PIK3R2: variants seen among roughly 807,000 people sequenced by gnomAD.
The protein encoded by PIK3R2 is phosphatidylinositol 3-kinase regulatory subunit beta.
A neutral mutation model predicts 78.5 loss-of-function variants in PIK3R2; 40 were observed. The ratio of observed to expected loss-of-function variants is 0.51; its 90% confidence interval spans 0.40 to 0.66. PIK3R2 has a LOEUF of 0.66. Among genes scored for constraint, PIK3R2 ranks in the 30% least tolerant of loss-of-function variants. The pLI, the probability that PIK3R2 is intolerant of heterozygous loss-of-function variation, is 0.00. For synonymous variants in PIK3R2, 473 were observed against 457.7 expected, an observed-to-expected ratio of 1.03 and a Z score of -0.43; for missense variants, 880 against 1,026.6, an observed-to-expected ratio of 0.86 and a Z score of 1.95.
intron 9 of PIK3R2, chr19:18,162,720 C>T (rs2043762956): frequency 1.7e-6 from 1 of 597,488 alleles, no homozygotes; most frequent in East Asian, 2.8e-5. Context: ...CCCGTCTCTA[C>T]TAAAAAATTA....
rs140686003 is a variant in PIK3R2 at position 18,161,993 on chromosome 19, G to A, written c.843G>A (p.Ala281=). ...DGSEPSPDFP[A]LLVEKLLQEH... is the part of the protein sequence containing the mutation. ...GTGAGCCCAGCCCTGACTTCCCGGCGCTGCTGGTGGAGAAGCTGCTTCAGG... is the reference window on the plus strand; with the variant it reads ...GTGAGCCCAGCCCTGACTTCCCGGCACTGCTGGTGGAGAAGCTGCTTCAGG... The change falls in exon 7 of 16, where the codon GCG becomes GCA. Residue 281 remains alanine (A), a synonymous_variant. Transcript: ENST00000222254. This position sits in a 1 kb window ranked among gnomAD's most constrained non-coding sequence, Gnocchi z 5.3. 202 of 1,613,968 alleles carry A rather than the reference G, an allele frequency of 1.3e-4. No homozygotes were observed. The African/African-American group carries it at 1.8e-3, about 15-fold the overall frequency.
At position 18,168,580 on chromosome 19, in the gene PIK3R2, T is replaced by C. The variant is rs2043832199; in HGVS notation, c.1808+34T>C. On this transcript the variant is annotated intron_variant, in intron 14 of 15. Coordinates refer to ENST00000222254, the MANE Select transcript of PIK3R2 (RefSeq NM_005027.4). The surrounding 1 kb of genome is among the most constrained non-coding windows in gnomAD (Gnocchi z 4.1). ...CCGTCTGGAGGGAGGCAGGGAGGGC[T>C]TCCCAGAGGAGGGGGCCATTTGGGG... 1.3e-6 allele frequency: 1 copy of C among 791,678 alleles called. No homozygotes were observed. Among genetic ancestry groups the C allele is most frequent in the African/African-American group, 1.7e-5 (1 of 59,344 alleles). 49.0% of individuals were successfully genotyped at this position (791,678 alleles called of 1,614,324 possible).
Position 18,168,830 on chromosome 19 carries a change from G to C in PIK3R2, c.1913G>C (p.Gly638Ala). ...ACGCAGGCAGAGGAGATGCTGAGTG[G>C]CAAGCGGGATGGCACCTTCCTCATC... Reference protein sequence around the residue: ...NRTQAEEMLSGKRDGTFLIRE... With the variant: ...NRTQAEEMLSAKRDGTFLIRE... Residue 638 changes from glycine (G) to alanine (A), a missense_variant, in exon 15 of 16, where the codon GGC becomes GCC. Physicochemically the swap from Gly to Ala is moderately conservative, Grantham distance 60. This residue lies in a region of PIK3R2 where 268 missense variants were observed against 299.1 expected (regional missense o/e 0.90). Coordinates refer to ENST00000222254, the MANE Select transcript of PIK3R2 (RefSeq NM_005027.4). The surrounding 1 kb of genome is among the most constrained non-coding windows in gnomAD (Gnocchi z 4.1). 6.2e-7 allele frequency: 1 copy of C among 1,613,746 alleles called. No individual in the cohort carries two copies. Among genetic ancestry groups the C allele is most frequent in the South Asian group, 1.1e-5 (1 of 91,056 alleles).
chr19:18,160,807 C>T, intron 3 of PIK3R2, 112 bp from the exon 4 acceptor site: 2 of 1,349,134 alleles, frequency 1.5e-6, no homozygotes, highest in Non-Finnish European at 2.1e-6. Context: ...CCTCCCATGC[C>T]CTTATCTCTG....
rs2147945157 is a variant in PIK3R2 at position 18,156,078 on chromosome 19, C to T, written c.199C>T (p.Arg67Ter). ...MPGLNERTRQ[R>*]GDFPGTYVEF... ...CGGCCTCAACGAGCGCACACGGCAG[C>T]GAGGTGACTTCCCTGGCACCTATGT... The change falls in exon 2 of 16, where the codon CGA becomes TGA. Residue 67 changes from arginine (R) to a stop codon, truncating the protein, a stop_gained. Transcript: ENST00000222254. LOFTEE classifies it high-confidence loss of function. The surrounding 1 kb of genome is among the most constrained non-coding windows in gnomAD (Gnocchi z 4.2). 6.4e-7 allele frequency: 1 copy of T among 1,561,448 alleles called. No individual in the cohort carries two copies. The highest frequency in any genetic ancestry group is 1.9e-5 in the Admixed American group (1 of 52,738).
intron 2 of PIK3R2, among the ~76,000 whole-genome samples, chr19:18,157,864 C>CCGAGG (rs965487872): frequency 6.6e-6 from 1 of 152,136 alleles, no homozygotes; most frequent in Non-Finnish European, 1.5e-5. Flanking sequence ...GGCGTCCCCG[C>CCGAGG]CGAGGGCCAG....
chr19:18,164,956 A>T (rs1188115249), intron 11 of PIK3R2, among the ~76,000 whole-genome samples: 2 of 150,138 alleles, frequency 1.3e-5, no homozygotes, highest in East Asian at 2.0e-4. Flanking sequence ...GGCCGGGCAC[A>T]GTGACTCATG....
Position 18,167,385 on chromosome 19 carries a change from C to T in PIK3R2, c.1736+79C>T. The T allele has an allele frequency of 8.3e-7, 1 of 1,206,086 alleles. No individual in the cohort carries two copies. Among genetic ancestry groups the T allele is most frequent in the Non-Finnish European group, 1.1e-6 (1 of 890,576 alleles). 74.7% of individuals were successfully genotyped at this position (1,206,086 alleles called of 1,614,324 possible). ...TGGAGATCTCTCTAGGAGTCTCAGT[C>T]TCTCTCTCTCCACCAAGTGGCCCTT... On this transcript the variant is annotated intron_variant, in intron 13 of 15. Coordinates refer to ENST00000222254, the MANE Select transcript of PIK3R2 (RefSeq NM_005027.4). This position sits in a 1 kb window ranked among gnomAD's most constrained non-coding sequence, Gnocchi z 4.5.
chr19:18,160,614 T>C, intron 3 of PIK3R2, 51 bp downstream of exon 3: 3 of 1,395,190 alleles, frequency 2.2e-6, no homozygotes, highest in African/African-American at 1.4e-5. Flanking sequence ...TTACCTCTAG[T>C]GACAGGCGAC....
In PIK3R2 at chr19:18,168,208, G is replaced by A. The variant is rs1277633746; in HGVS notation, c.1737-267G>A. Among the ~76,000 whole-genome samples, 3 of 152,168 alleles carry A rather than the reference G, an allele frequency of 2.0e-5. No individual in the cohort carries two copies. Among genetic ancestry groups the A allele is most frequent in the Admixed American group, 2.0e-4 (3 of 15,278 alleles). On this transcript the variant is annotated intron_variant, in intron 13 of 15. Coordinates refer to ENST00000222254, the MANE Select transcript of PIK3R2 (RefSeq NM_005027.4). This position sits in a 1 kb window ranked among gnomAD's most constrained non-coding sequence, Gnocchi z 4.1. ...AGCCTCTGGTGATGATGAGGGGCCTGGGCTGGCATCTTCTTGGGGGACTCC... is the reference window on the plus strand; with the variant it reads ...AGCCTCTGGTGATGATGAGGGGCCTAGGCTGGCATCTTCTTGGGGGACTCC...
At chr19:18,164,662 GTCTTGC>G (rs1033276837) in intron 11 of PIK3R2, among the ~76,000 whole-genome samples, 1 of 145,906 alleles carries the variant, frequency 6.9e-6, no homozygotes, top group African/African-American at 2.5e-5. Flanking sequence ...TTGAGACAGT[GTCTTGC>G]TCTGTCATCC....
At chr19:18,162,883 ACT>A (rs923923790) in intron 9 of PIK3R2, 82 bp from the exon 10 acceptor site, 89 of 1,280,296 alleles carry the variant, frequency 7.0e-5, no homozygotes, top group Non-Finnish European at 9.4e-5. Flanking sequence ...GAGCAGCAAG[ACT>A]CTGTCTCAAA....
rs549493558 is a variant in PIK3R2, at chr19:18,167,967, C to T, written c.1737-508C>T. Among the ~76,000 whole-genome samples the T allele has an allele frequency of 2.6e-5, 4 of 152,320 alleles. No homozygotes were observed. In the East Asian group the frequency reaches 7.7e-4, roughly 29 times the overall value. On this transcript the variant is annotated intron_variant, in intron 13 of 15. Transcript: ENST00000222254. This position sits in a 1 kb window ranked among gnomAD's most constrained non-coding sequence, Gnocchi z 4.5. ...AAATCAGTTCAAATCCTGCCCCCAC[C>T]CACCAACCTCCTGAAGACCTCAGCC...
In PIK3R2 at chr19:18,155,927, C is replaced by T. The variant is rs1254021482; in HGVS notation, c.48C>T (p.Arg16=). 3 of 1,567,842 alleles carry T rather than the reference C, an allele frequency of 1.9e-6. No individual in the cohort carries two copies. Among genetic ancestry groups the T allele is most frequent in the Admixed American group, 3.7e-5 (2 of 53,726 alleles). The change falls in exon 2 of 16, where the codon CGC becomes CGT. Residue 16 remains arginine (R), a synonymous_variant. Coordinates refer to ENST00000222254, the MANE Select transcript of PIK3R2 (RefSeq NM_005027.4). ...AGTACCGCGCTCTGTACCCGTTCCG[C>T]CGGGAGCGGCCGGAGGACCTGGAGC... ...GFQYRALYPF[R]RERPEDLELL... is the part of the protein sequence containing the mutation.
chr19:18,168,935 C>T lies in PIK3R2; in HGVS notation c.1979+39C>T. The T allele has an allele frequency of 6.3e-7, 1 of 1,591,216 alleles. No individual in the cohort carries two copies. The highest frequency in any genetic ancestry group is 8.6e-7 in the Non-Finnish European group (1 of 1,167,386). ...AGCGGTGGGGATTCCCGCGTCCCTC[C>T]CAGAGCTCTCATTGAATGCCTGCCG... On this transcript the variant is annotated intron_variant, in intron 15 of 15. Transcript: ENST00000222254. This position sits in a 1 kb window ranked among gnomAD's most constrained non-coding sequence, Gnocchi z 4.1.
intron 9 of PIK3R2, chr19:18,162,728 TTAA>T (rs2147952437): frequency 3.8e-6 from 1 of 260,268 alleles, no homozygotes; most frequent in Non-Finnish European, 7.4e-6. Context: ...TACTAAAAAA[TTAA>T]AAAAAAAAAT....
Position 18,155,543 on chromosome 19 carries a change from G to A in PIK3R2, c.-337G>A, listed in dbSNP as rs1189170441. 2.2e-6 allele frequency: 1 copy of A among 445,308 alleles called. No homozygotes were observed. Among genetic ancestry groups the A allele is most frequent in the African/African-American group, 2.0e-5 (1 of 48,834 alleles). 27.6% of individuals were successfully genotyped at this position (445,308 alleles called of 1,614,324 possible). On this transcript the variant is annotated 5_prime_UTR_variant, in exon 2 of 16. It introduces an in-frame stop codon into an upstream open reading frame of the 5' UTR. Transcript: ENST00000222254. The stretch of plus-strand genomic sequence containing the variant: ...GCAGCCAGCAGAGCCGCCAGCCTTG[G>A]GCGCCCATGGCCCTCCGTGTGAGGG...
chr19:18,162,185 G>A lies in PIK3R2; in HGVS notation c.902-17G>A, dbSNP rs199796442. On this transcript the variant is annotated splice_polypyrimidine_tract_variant and intron_variant, in intron 7 of 15. Transcript: ENST00000222254. ...TACAGTCGGTGCTCAGGATGCATTT[G>A]TTTTCCTGTCCCCCAGCGCTGCCGC... 465 of 1,477,214 alleles carry A rather than the reference G, an allele frequency of 3.1e-4. No individual in the cohort carries two copies. The highest frequency in any genetic ancestry group is 4.2e-4 in the Non-Finnish European group (445 of 1,058,002). The allele number at this position is 1,477,214 out of a possible 1,614,324, so 91.5% of individuals were successfully genotyped here.
In PIK3R2 at chr19:18,168,751, G is replaced by A. The variant is rs1433980611; in HGVS notation, c.1834G>A (p.Asp612Asn). Residue 612 changes from aspartate (D) to asparagine (N), a missense_variant, in exon 15 of 16, where the codon GAC becomes AAC. Transcript: ENST00000222254. This position sits in a 1 kb window ranked among gnomAD's most constrained non-coding sequence, Gnocchi z 4.1. The part of the protein sequence containing the change: ...EDQYALMEDE[D>N]DLPHHEERTW... The stretch of plus-strand genomic sequence containing the variant: ...CCAGTACGCACTCATGGAGGACGAG[G>A]ACGATCTCCCGCACCACGAGGAACG... The A allele has an allele frequency of 6.2e-7, 1 of 1,613,604 alleles. No individual in the cohort carries two copies. Among genetic ancestry groups the A allele is most frequent in the Admixed American group, 1.7e-5 (1 of 59,996 alleles).
Sources: allele counts gnomAD v4.1 joint callset (sites outside exome capture counted in the v4.1 genomes callset), GRCh38; gene constraint gnomAD v4.1.1; regional missense constraint gnomAD v4.1.1; non-coding constraint Gnocchi (gnomAD v3.1); transcripts MANE v1.5; gene names NCBI Gene and HGNC (gene_info 2026-07-23, HGNC 2026-07-21).